Variants in LY96 observed in about 807,000 individuals in gnomAD.
LY96 encodes the protein myeloid differentiation protein-2.
A neutral mutation model predicts 18.9 loss-of-function variants in LY96; 18 were observed. The observed-to-expected ratio is 0.95, with a 90% CI of 0.66 to 1.41. LY96 has a LOEUF of 1.41. Ranked by LOEUF, LY96 falls within the 40% of genes most tolerant of loss-of-function variation. The probability of loss-of-function intolerance (pLI) is 0.00; values close to 1 mark genes in which losing one functional copy is unlikely to be tolerated. For synonymous variants in LY96, 66 were observed against 62.6 expected, an observed-to-expected ratio of 1.06 and a Z score of -0.26; for missense variants, 175 against 182.4, an observed-to-expected ratio of 0.96 and a Z score of 0.23.
chr8:73,991,583 T>G, intron 1 of LY96, 29 bp downstream of exon 1: 1 of 1,263,370 alleles, frequency 7.9e-7, no homozygotes, highest in Non-Finnish European at 1.2e-6. Flanking sequence ...CAAATAATTG[T>G]AGCATCAACT....
At chr8:74,089,296 C>A in the LY96 span, among the ~76,000 whole-genome samples, 1 of 152,186 alleles carries the variant, frequency 6.6e-6, no homozygotes. Flanking sequence ...AGACTGGCTA[C>A]ATAATTTGTG....
At chr8:74,001,802 C>T (rs562243530) in intron 1 of LY96, among the ~76,000 whole-genome samples, 7 of 152,252 alleles carry the variant, frequency 4.6e-5, no homozygotes, top group African/African-American at 1.7e-4. Flanking sequence ...TGCATCACTG[C>T]ACTCCAGCTT....
the LY96 span, among the ~76,000 whole-genome samples, chr8:74,097,080 G>C: frequency 6.6e-6 from 1 of 152,160 alleles, no homozygotes; most frequent in Non-Finnish European, 1.5e-5. Flanking sequence ...TATATCATGA[G>C]CATTTCCTAA....
chr8:74,012,972 A>G (rs991428557), intron 3 of LY96, among the ~76,000 whole-genome samples: 1 of 151,728 alleles, frequency 6.6e-6, no homozygotes, highest in Non-Finnish European at 1.5e-5. Flanking sequence ...TTTTTGAGAC[A>G]AGATCTTATC....
At chr8:74,077,348 G>A in the LY96 span, among the ~76,000 whole-genome samples, 1 of 152,192 alleles carries the variant, frequency 6.6e-6, no homozygotes, top group Non-Finnish European at 1.5e-5. Flanking sequence ...GAAATTCCAA[G>A]GGTTTTAGGA....
At chr8:74,032,528 C>T (rs117605228), downstream of LY96, among the ~76,000 whole-genome samples, 2,304 of 152,250 alleles carry the variant, frequency 0.015, 22 homozygotes, top group South Asian at 0.037. Flanking sequence ...CGATCACGAC[C>T]CTCTTACGCG....
intron 1 of LY96, among the ~76,000 whole-genome samples, chr8:74,004,242 C>T (rs1185538398): frequency 6.6e-6 from 1 of 152,204 alleles, no homozygotes; most frequent in East Asian, 1.9e-4. Flanking sequence ...TGATGCCTAT[C>T]TGCCCAAGCC....
At position 74,004,862 on chromosome 8, in the gene LY96, T is replaced by C; in HGVS notation, c.179T>C (p.Leu60Ser). 6.3e-7 allele frequency: 1 copy of C among 1,591,794 alleles called. No individual in the cohort carries two copies. Among genetic ancestry groups the C allele is most frequent in the African/African-American group, 1.3e-5 (1 of 74,616 alleles). Residue 60 changes from leucine (L) to serine (S), a missense_variant, in exon 2 of 5, where the codon TTA (leucine) becomes TCA (serine). Physicochemically the swap from Leu to Ser is moderately radical, Grantham distance 145. Transcript: ENST00000284818. ...PCIELKRSKG[L>S]LHIFYIPRRD... The stretch of plus-strand genomic sequence containing the variant: ...ATAGAATTGAAAAGATCCAAAGGAT[T>C]ATTGCACATTTTCTACATTCCAAGT...
chr8:74,081,169 C>A, the LY96 span, among the ~76,000 whole-genome samples: 3 of 138,916 alleles, frequency 2.2e-5, no homozygotes, highest in Non-Finnish European at 3.1e-5. Context: ...TTCTTTCCTT[C>A]TTTCTTTCTT....
At chr8:74,004,016 C>A (rs1294660005) in intron 1 of LY96, among the ~76,000 whole-genome samples, 1 of 152,118 alleles carries the variant, frequency 6.6e-6, no homozygotes, top group Non-Finnish European at 1.5e-5. Context: ...TGGCATCTAC[C>A]AGCCCAAGCT....
At chr8:74,065,113 T>G in the LY96 span, among the ~76,000 whole-genome samples, 1 of 152,222 alleles carries the variant, frequency 6.6e-6, no homozygotes, top group South Asian at 2.1e-4. Context: ...TCTTAACCAG[T>G]TGCTCATCAG....
chr8:74,071,384 G>A, the LY96 span, among the ~76,000 whole-genome samples: 1 of 151,832 alleles, frequency 6.6e-6, no homozygotes, highest in Non-Finnish European at 1.5e-5. Flanking sequence ...TATATTGCCA[G>A]CAGAGTTAAC....
the LY96 span, among the ~76,000 whole-genome samples, chr8:74,063,992 A>G: frequency 3.6e-4 from 55 of 152,288 alleles, no homozygotes; most frequent in African/African-American, 1.3e-3. Flanking sequence ...ATAATAATCC[A>G]TACATTACAG....
chr8:73,996,381 C>T (rs1285363310), intron 1 of LY96, among the ~76,000 whole-genome samples: 1 of 42,258 alleles, frequency 2.4e-5, no homozygotes, highest in Admixed American at 3.0e-4. Context: ...TCCTTTCTTT[C>T]TTTCTTTCTT....
the LY96 span, among the ~76,000 whole-genome samples, chr8:74,050,648 A>G: frequency 4.6e-5 from 7 of 152,172 alleles, no homozygotes; most frequent in Non-Finnish European, 1.5e-5. Context: ...ATTGTTGCTA[A>G]TTAAATGAAA....
intron 2 of LY96, among the ~76,000 whole-genome samples, chr8:74,009,564 T>G (rs543477081): frequency 6.6e-6 from 1 of 152,064 alleles, no homozygotes; most frequent in African/African-American, 2.4e-5. Flanking sequence ...TACATTTAAT[T>G]TTTCATCAAA....
At chr8:74,004,100 A>G (rs746594547) in intron 1 of LY96, among the ~76,000 whole-genome samples, 6 of 152,184 alleles carry the variant, frequency 3.9e-5, no homozygotes, top group Non-Finnish European at 8.8e-5. Flanking sequence ...TGAGACAGAT[A>G]TAAGTTTTCT....
At chr8:74,035,064 A>C in the LY96 span, among the ~76,000 whole-genome samples, 1,066 of 152,246 alleles carry the variant, frequency 7.0e-3, 9 homozygotes, top group African/African-American at 0.025. Context: ...ATATTTAAAA[A>C]CTTTTTGTTT....
At chr8:74,003,560 T>G (rs1229643720) in intron 1 of LY96, among the ~76,000 whole-genome samples, 1 of 152,228 alleles carries the variant, frequency 6.6e-6, no homozygotes, top group Non-Finnish European at 1.5e-5. Context: ...CTGCTCAGGC[T>G]TCTCACGACC....
Sources: gnomAD v4.1 joint callset for allele counts (sites outside exome capture counted in the v4.1 genomes callset) on GRCh38, gnomAD v4.1.1 for gene constraint, MANE v1.5 for transcripts, NCBI Gene and HGNC (gene_info 2026-07-23, HGNC 2026-07-21) for gene names.